The following CTNNA3 variants were observed in gnomAD, a reference collection of about 807,000 sequenced individuals.
The protein encoded by CTNNA3 is catenin alpha 3.
In CTNNA3, 76 loss-of-function variants were observed where a neutral mutation model predicts 95.7. That is an observed-to-expected ratio of 0.79 (90% confidence interval 0.66 to 0.96). CTNNA3 has a LOEUF of 0.96. Ranked by LOEUF, CTNNA3 falls within the 40% of genes least tolerant of loss-of-function variation. The pLI, the probability that CTNNA3 is intolerant of heterozygous loss-of-function variation, is 0.00. For synonymous variants in CTNNA3, 431 were observed against 374.4 expected, an observed-to-expected ratio of 1.15 and a Z score of -1.74; for missense variants, 1,191 against 1,089.8, an observed-to-expected ratio of 1.09 and a Z score of -1.31.
At chr10:67,230,481 G>A (rs1865139850) in intron 5 of CTNNA3, among the ~76,000 whole-genome samples, 1 of 151,894 alleles carries the variant, frequency 6.6e-6, no homozygotes, top group Non-Finnish European at 1.5e-5. Context: ...ATGGCAAAAG[G>A]AACAGTGAGC....
At chr10:67,120,652 A>G (rs1460612578) in intron 7 of CTNNA3, among the ~76,000 whole-genome samples, 1 of 152,038 alleles carries the variant, frequency 6.6e-6, no homozygotes. Flanking sequence ...TGACAAGGAG[A>G]GTTACAAAAG....
chr10:67,286,295 AT>A (rs1839601554), intron 5 of CTNNA3, among the ~76,000 whole-genome samples: 1 of 152,194 alleles, frequency 6.6e-6, no homozygotes, highest in Non-Finnish European at 1.5e-5. Context: ...AAATAATGCC[AT>A]TTTAAATGAC....
chr10:65,983,953 T>C (rs148472249), intron 16 of CTNNA3, among the ~76,000 whole-genome samples: 9 of 151,484 alleles, frequency 5.9e-5, no homozygotes, highest in African/African-American at 1.9e-4. Flanking sequence ...TCATTCTTTC[T>C]ACATGTGAAC....
intron 5 of CTNNA3, among the ~76,000 whole-genome samples, chr10:67,461,361 C>A (rs930080351): frequency 6.6e-6 from 1 of 152,100 alleles, no homozygotes; most frequent in Non-Finnish European, 1.5e-5. Flanking sequence ...ATCCCAAGTA[C>A]CTGTCTTATG....
At chr10:66,430,307 T>A (rs550936037) in intron 11 of CTNNA3, among the ~76,000 whole-genome samples, 12 of 152,150 alleles carry the variant, frequency 7.9e-5, no homozygotes, top group Non-Finnish European at 1.5e-4. Flanking sequence ...AGAATCAATA[T>A]CGTGAAAATG....
chr10:66,296,682 A>G (rs1024313406), intron 12 of CTNNA3, among the ~76,000 whole-genome samples: 8 of 152,138 alleles, frequency 5.3e-5, no homozygotes, highest in African/African-American at 1.2e-4. Flanking sequence ...AAGAAATTGT[A>G]TACTGTTTAT....
chr10:67,233,861 C>G (rs1210915614), intron 5 of CTNNA3, among the ~76,000 whole-genome samples: 2 of 152,094 alleles, frequency 1.3e-5, no homozygotes, highest in Admixed American at 6.6e-5. Flanking sequence ...ATAGAAACTA[C>G]CATCAGAGAA....
intron 13 of CTNNA3, among the ~76,000 whole-genome samples, chr10:66,260,233 A>G (rs1053458196): frequency 6.6e-6 from 1 of 152,184 alleles, no homozygotes; most frequent in Non-Finnish European, 1.5e-5. Context: ...CCCTTTCACA[A>G]GATAATGTCT....
At chr10:67,653,409 T>C (rs1839932339) in intron 1 of CTNNA3, among the ~76,000 whole-genome samples, 1 of 152,190 alleles carries the variant, frequency 6.6e-6, no homozygotes, top group Non-Finnish European at 1.5e-5. Context: ...TCTTCTCATC[T>C]TTAATTCATA....
intron 7 of CTNNA3, among the ~76,000 whole-genome samples, chr10:66,948,067 T>C (rs1389932793): frequency 6.6e-6 from 1 of 152,194 alleles, no homozygotes; most frequent in African/African-American, 2.4e-5. Flanking sequence ...TATCTAAACA[T>C]AGAAAAGGTA....
chr10:66,375,350 G>T (rs2092788333), intron 12 of CTNNA3, among the ~76,000 whole-genome samples: 1 of 152,002 alleles, frequency 6.6e-6, no homozygotes, highest in African/African-American at 2.4e-5. Flanking sequence ...AGAGACTATG[G>T]CATGGTAGAG....
intron 13 of CTNNA3, among the ~76,000 whole-genome samples, chr10:66,156,679 T>C (rs1439822601): frequency 3.9e-5 from 6 of 152,024 alleles, no homozygotes; most frequent in Middle Eastern, 3.4e-3. Context: ...ATTTCACATA[T>C]GGCATTGGGA....
chr10:66,315,672 G>A (rs2132272765), intron 12 of CTNNA3, among the ~76,000 whole-genome samples: 1 of 152,148 alleles, frequency 6.6e-6, no homozygotes, highest in South Asian at 2.1e-4. Context: ...TACAGAGAAG[G>A]ATGAGGCTGA....
At chr10:66,547,278 A>T (rs1460937072) in intron 10 of CTNNA3, among the ~76,000 whole-genome samples, 1 of 151,360 alleles carries the variant, frequency 6.6e-6, no homozygotes, top group Non-Finnish European at 1.5e-5. Context: ...GATAGACAGC[A>T]CTAATGATTA....
In CTNNA3 at chr10:67,048,367, T is replaced by A. The variant is rs1332783415; in HGVS notation, c.1047+131950A>T. Among the ~76,000 whole-genome samples, 3 of 152,060 alleles carry A rather than the reference T, an allele frequency of 2.0e-5. No homozygotes were observed. The East Asian group carries it at 5.8e-4, about 29-fold the overall frequency. ...TTCTTGAGAAAACAAAGCCAGTACATAGATAAATTCCTTACATGATGATCA... is the reference window on the plus strand; with the variant it reads ...TTCTTGAGAAAACAAAGCCAGTACAAAGATAAATTCCTTACATGATGATCA... On this transcript the variant is annotated intron_variant, in intron 7 of 17. Coordinates refer to ENST00000433211, the MANE Select transcript of CTNNA3 (RefSeq NM_013266.4).
rs1001284518 is a variant in CTNNA3 at position 67,051,227 on chromosome 10, A to G, written c.1047+129090T>C. 3.3e-5 allele frequency among the ~76,000 whole-genome samples: 5 copies of G among 152,210 alleles called. 1 individual carries two copies. In the South Asian group the frequency reaches 1.0e-3, roughly 31 times the overall value. On this transcript the variant is annotated intron_variant, in intron 7 of 17. Transcript: ENST00000433211. ...GTTCTCAGTCTGTCTCTGAAAAATG[A>G]AGACGTGAACTAAATTTTCTCCCAA...
intron 17 of CTNNA3, among the ~76,000 whole-genome samples, chr10:65,922,820 A>G (rs1483735526): frequency 7.9e-5 from 12 of 152,158 alleles, no homozygotes; most frequent in Non-Finnish European, 1.6e-4. Context: ...GTTATTTATA[A>G]AGGAAAGAGG....
At chr10:66,763,367 AAGAG>A (rs1226337174) in intron 9 of CTNNA3, among the ~76,000 whole-genome samples, 1 of 52,240 alleles carries the variant, frequency 1.9e-5, no homozygotes, top group East Asian at 8.0e-4. Context: ...GAGAGAGAGA[AAGAG>A]AGAAAGAGAG....
At chr10:66,879,045 G>C (rs905153626) in intron 7 of CTNNA3, among the ~76,000 whole-genome samples, 8 of 152,072 alleles carry the variant, frequency 5.3e-5, no homozygotes, top group Non-Finnish European at 7.4e-5. Context: ...CTGTGATAGA[G>C]GTAGTTATTC....
Sources: gnomAD v4.1 joint callset for allele counts (sites outside exome capture counted in the v4.1 genomes callset) on GRCh38, gnomAD v4.1.1 for gene constraint, MANE v1.5 for transcripts, NCBI Gene and HGNC (gene_info 2026-07-23, HGNC 2026-07-21) for gene names.